Variants in COPG1 observed in about 807,000 individuals in gnomAD.
COPG1 encodes coatomer subunit gamma-1.
In COPG1, 29 loss-of-function variants were observed where a neutral mutation model predicts 102.8. That is an observed-to-expected ratio of 0.28 (90% CI 0.21 to 0.38). The LOEUF (loss-of-function observed/expected upper bound fraction) is 0.38, where lower values mean the gene tolerates loss of function less well. COPG1 is among the 10% of genes least tolerant of loss of function. The pLI is 1.00. For synonymous variants in COPG1, 406 were observed against 421.6 expected (o/e 0.96, Z 0.45); for missense variants, 875 against 1,132.7 (o/e 0.77, Z 3.27).
rs866129230 is a variant in COPG1, at chr3:129,274,960, C to T, written c.2379C>T (p.Thr793=). The T allele has an allele frequency of 6.2e-7, 1 of 1,614,000 alleles. No homozygotes were observed. The highest frequency in any genetic ancestry group is 1.3e-5 in the African/African-American group (1 of 74,896). The change falls in exon 22 of 24, where the codon ACC becomes ACT. Residue 793 remains threonine, a synonymous_variant. Transcript: ENST00000314797. ...AGGAGGAAACGTTCACCTTGTCTAC[C>T]ATCAAGACACTTGAAGGTAAAATCC... ...FEKEETFTLS[T]IKTLEEAVGN... is the part of the protein sequence containing the mutation.
At position 129,277,526 on chromosome 3, in the gene COPG1, G is replaced by T. The variant is rs914053936; in HGVS notation, c.*102G>T. On this transcript the variant is annotated 3_prime_UTR_variant, in exon 24 of 24. Transcript: ENST00000314797. The stretch of plus-strand genomic sequence containing the variant: ...AAACCCCTTCCCAAGCTTCTGTATT[G>T]AAAAACAATTAGGAATCATTGCAGA... 1.6e-6 allele frequency: 2 copies of T among 1,238,406 alleles called. No homozygotes were observed. Among genetic ancestry groups the T allele is most frequent in the South Asian group, 1.4e-5 (1 of 72,160 alleles). 76.7% of individuals were successfully genotyped at this position (1,238,406 alleles called of 1,614,324 possible).
In COPG1 at chr3:129,254,650, A is replaced by G; in HGVS notation, c.324-18A>G. 1 of 1,610,284 alleles carries G rather than the reference A, an allele frequency of 6.2e-7. No individual in the cohort carries two copies. Among genetic ancestry groups the G allele is most frequent in the Non-Finnish European group, 8.5e-7 (1 of 1,176,702 alleles). ...GGCCCAGGCTCTCTGCATGCTGACA[A>G]TGCCTTCTTCCCTGCAGCCTAACAA... is the stretch of plus-strand genomic sequence containing the variant. On this transcript the variant is annotated intron_variant, in intron 5 of 23. Transcript: ENST00000314797.
intron 7 of COPG1, 121 bp from the exon 8 acceptor site, chr3:129,255,947 C>T (rs1204356888): frequency 5.3e-6 from 4 of 760,056 alleles, no homozygotes; most frequent in Non-Finnish European, 8.7e-6. Flanking sequence ...TGTCCATGGT[C>T]TCTGAGGACC....
chr3:129,252,891 A>G lies in COPG1; in HGVS notation c.259A>G (p.Met87Val). Reference sequence around the variant, plus strand: ...TATCTCCCAGCCCACACTCCGTCGGATGTGCTACTTGACCATCAAGGAGAT... The same window carrying G: ...TATCTCCCAGCCCACACTCCGTCGGGTGTGCTACTTGACCATCAAGGAGAT... ...FQSNDPTLRR[M>V]CYLTIKEMSC... Residue 87 changes from methionine to valine, a missense_variant, in exon 5 of 24, where the codon ATG becomes GTG. Met to Val is a conservative substitution (Grantham distance 21). Transcript: ENST00000314797. The G allele has an allele frequency of 6.2e-7, 1 of 1,614,154 alleles. No individual in the cohort carries two copies. The highest frequency in any genetic ancestry group is 8.5e-7 in the Non-Finnish European group (1 of 1,180,002).
rs568619378 is a variant in COPG1, at chr3:129,275,663, C to T, written c.2494+371C>T. 8.5e-5 allele frequency among the ~76,000 whole-genome samples: 13 copies of T among 152,082 alleles called. No individual in the cohort carries two copies. Among genetic ancestry groups the T allele is most frequent in the Non-Finnish European group, 1.2e-4 (8 of 68,026 alleles). On this transcript the variant is annotated intron_variant, in intron 23 of 23. Transcript: ENST00000314797. The surrounding 1 kb of genome is among the most constrained non-coding windows in gnomAD (Gnocchi z 5.0). ...TACATTGCATCTTAGAGATCTTCCC[C>T]GTCAATATGTAGAGCTTCCTCATTC...
intron 21 of COPG1, among the ~76,000 whole-genome samples, chr3:129,274,617 T>C (rs560105010): frequency 6.6e-6 from 1 of 152,280 alleles, no homozygotes; most frequent in East Asian, 1.9e-4. Context: ...GATTGGTACT[T>C]GGGATTAGGG....
chr3:129,255,976 T>G, intron 7 of COPG1, 92 bp from the exon 8 acceptor site: 2 of 1,090,426 alleles, frequency 1.8e-6, no homozygotes, highest in Non-Finnish European at 2.7e-6. Flanking sequence ...GGCGAGCCCC[T>G]GAGCTGTGTC....
In COPG1 at chr3:129,277,601, C is replaced by CTTTT. The variant is rs35073725; in HGVS notation, c.*193_*196dup. On this transcript the variant is annotated 3_prime_UTR_variant, in exon 24 of 24. Transcript: ENST00000314797. ...CCCACCCGGGACTACTTGCTGGTGA[C>CTTTT]TTTTTTTTTTTTTTTTTTTAAATAG... is the stretch of plus-strand genomic sequence containing the variant. 3.4e-4 allele frequency: 103 copies of CTTTT among 302,574 alleles called. No individual in the cohort carries two copies. The highest frequency in any genetic ancestry group is 1.9e-3 in the South Asian group (51 of 26,446). 18.7% of individuals were successfully genotyped at this position (302,574 alleles called of 1,614,324 possible). A position where few individuals can be genotyped will look rare whatever the true frequency, so the allele number is the denominator to read the frequency against.
At chr3:129,252,471 C>A in intron 3 of COPG1, 110 bp downstream of exon 3, 1 of 1,036,996 alleles carries the variant, frequency 9.6e-7, no homozygotes, top group Non-Finnish European at 1.5e-6. Flanking sequence ...TGGCTGTAGA[C>A]AACAGCTCAG....
At chr3:129,253,037 A>C (rs747863208) in intron 5 of COPG1, 82 bp downstream of exon 5, 129 of 1,254,060 alleles carry the variant, frequency 1.0e-4, no homozygotes, top group South Asian at 3.9e-4. Flanking sequence ...AGACAGTGAG[A>C]CTTGGTTGCA....
intron 10 of COPG1, among the ~76,000 whole-genome samples, chr3:129,258,231 C>T (rs953366989): frequency 6.6e-6 from 1 of 152,222 alleles, no homozygotes; most frequent in Non-Finnish European, 1.5e-5. Flanking sequence ...TCGTTCTGAG[C>T]CTCCAGCTCC....
chr3:129,267,891 A>C (rs1940099225), intron 15 of COPG1, 46 bp from the exon 16 acceptor site: 2 of 1,488,716 alleles, frequency 1.3e-6, no homozygotes, highest in South Asian at 1.1e-5. Context: ...CCCTCCTGCC[A>C]TCCCTGCTGG....
intron 18 of COPG1, among the ~76,000 whole-genome samples, chr3:129,270,618 A>G (rs60548879): frequency 0.11 from 16,337 of 152,188 alleles, 2,478 homozygotes; most frequent in African/African-American, 0.34. Context: ...TATTGCCTGC[A>G]TATTCATTAG....
Position 129,255,033 on chromosome 3 carries a change from G to A in COPG1, c.448G>A (p.Asp150Asn), listed in dbSNP as rs752371830. The change falls in exon 7 of 24, where the codon GAC becomes AAC. Residue 150 changes from aspartate (D) to asparagine (N), a missense_variant. By Grantham distance (23) the Asp-to-Asn change is conservative. Transcript: ENST00000314797. The stretch of plus-strand genomic sequence containing the variant: ...GCGCTACATGAAACAAGCCATTGTG[G>A]ACAAGGTGCCCAGTGTCTCCAGCTC... ...IERYMKQAIV[D>N]KVPSVSSSAL... 1 of 1,614,184 alleles carries A rather than the reference G, an allele frequency of 6.2e-7. No homozygotes were observed. The highest frequency in any genetic ancestry group is 1.7e-5 in the Admixed American group (1 of 60,012).
chr3:129,257,261 A>T (rs1939828434), intron 8 of COPG1, among the ~76,000 whole-genome samples: 1 of 152,154 alleles, frequency 6.6e-6, no homozygotes, highest in South Asian at 2.1e-4. Context: ...GGGAACAAGA[A>T]CCACAGATAT....
rs1323820836 is a variant in COPG1, at chr3:129,265,698, C to T, written c.1374C>T (p.Leu458=). 1.9e-6 allele frequency: 3 copies of T among 1,614,216 alleles called. No homozygotes were observed. The highest frequency in any genetic ancestry group is 1.7e-5 in the Admixed American group (1 of 60,034). ...TGCTGGCCACCCGTATTCTACATCT[C>T]CTGGGCCAGGAGGGGCCCAAGACCA... The part of the protein sequence containing the change: ...FTVLATRILH[L]LGQEGPKTTN... Residue 458 remains leucine (L), a synonymous_variant, in exon 14 of 24, where the codon CTC becomes CTT. Transcript: ENST00000314797.
intron 11 of COPG1, 59 bp downstream of exon 11, chr3:129,260,459 A>G: frequency 6.4e-7 from 1 of 1,569,408 alleles, no homozygotes; most frequent in South Asian, 1.1e-5. Flanking sequence ...GGTGTGTCCT[A>G]GCCTCTGACC....
chr3:129,254,620 A>G, intron 5 of COPG1, 48 bp from the exon 6 acceptor site: 1 of 1,487,852 alleles, frequency 6.7e-7, no homozygotes. Flanking sequence ...GGAGAGGAGT[A>G]AACAGGCCCA....
intron 10 of COPG1, 96 bp from the exon 11 acceptor site, chr3:129,260,237 G>A: frequency 8.9e-7 from 1 of 1,123,316 alleles, no homozygotes; most frequent in Non-Finnish European, 1.3e-6. Context: ...AGGGAAATGA[G>A]CTGAGCAGAG....
Sources: gnomAD v4.1 joint callset for allele counts (sites outside exome capture counted in the v4.1 genomes callset) on GRCh38, gnomAD v4.1.1 for gene constraint, Gnocchi (gnomAD v3.1) non-coding constraint, MANE v1.5 for transcripts, NCBI Gene and HGNC (gene_info 2026-07-23, HGNC 2026-07-21) for gene names.